Variants in USP12 observed in about 807,000 individuals in gnomAD.
The protein encoded by USP12 is ubiquitin specific peptidase 12.
In USP12, 19 loss-of-function variants were observed where a neutral mutation model predicts 45.5. That is an observed-to-expected ratio of 0.42 (90% CI 0.29 to 0.61). USP12 has a LOEUF of 0.61. Among genes scored for constraint, USP12 ranks in the 20% least tolerant of loss-of-function variants. The pLI is 0.22. For synonymous variants in USP12, 149 were observed against 148.8 expected (o/e 1.00, Z -0.01); for missense variants, 242 against 447.7 (o/e 0.54, Z 4.15).
chr13:27,120,621 TAAA>T (rs57930303), intron 1 of USP12, among the ~76,000 whole-genome samples: 42 of 145,308 alleles, frequency 2.9e-4, no homozygotes, highest in Non-Finnish European at 2.7e-4. Flanking sequence ...AAACTCCATC[TAAA>T]AAAAAAAAAA....
chr13:27,124,381 GAAC>G lies in USP12; in HGVS notation c.49-7788_49-7786del, dbSNP rs368329039. ...AGTATATACTATTTTATAAAGTAGA[GAAC>G]AATACACCTTACCAAGAAATTAAAA... On this transcript the variant is annotated intron_variant, in intron 1 of 8. Transcript: ENST00000282344. 2.1e-3 allele frequency among the ~76,000 whole-genome samples: 327 copies of G among 152,198 alleles called. 2 individuals are homozygous for G. Among genetic ancestry groups the G allele is most frequent in the African/African-American group, 7.4e-3 (309 of 41,516 alleles).
At chr13:27,074,959 T>C (rs1473322573) in intron 7 of USP12, among the ~76,000 whole-genome samples, 1 of 152,166 alleles carries the variant, frequency 6.6e-6, no homozygotes, top group Non-Finnish European at 1.5e-5. Flanking sequence ...GGAAATCAGA[T>C]ATAGTACTTG....
At chr13:27,168,905 A>G (rs995082535) in intron 1 of USP12, 1 of 152,220 alleles carries the variant, frequency 6.6e-6, no homozygotes, top group African/African-American at 2.4e-5. Flanking sequence ...CTTATAGAAT[A>G]AAATTTCAAC....
chr13:27,140,786 C>T (rs1056388428), intron 1 of USP12, among the ~76,000 whole-genome samples: 2 of 152,002 alleles, frequency 1.3e-5, no homozygotes, highest in Non-Finnish European at 2.9e-5. Context: ...GCAAAATATT[C>T]ATTTGCTCTA....
chr13:27,122,066 G>T (rs1273812595), intron 1 of USP12, among the ~76,000 whole-genome samples: 1 of 151,482 alleles, frequency 6.6e-6, no homozygotes, highest in Non-Finnish European at 1.5e-5. Context: ...ATGGTGGCTC[G>T]TGCCTGTAAT....
At chr13:27,100,739 G>T (rs2137781074) in intron 3 of USP12, among the ~76,000 whole-genome samples, 1 of 152,322 alleles carries the variant, frequency 6.6e-6, no homozygotes, top group East Asian at 1.9e-4. Context: ...TTATGCTAAA[G>T]TTGAGTTGAG....
chr13:27,144,862 C>T lies in USP12; in HGVS notation c.48+26730G>A, dbSNP rs141251912. Among the ~76,000 whole-genome samples the T allele has an allele frequency of 4.0e-3, 607 of 150,936 alleles. 4 individuals carry two copies. Among genetic ancestry groups the T allele is most frequent in the African/African-American group, 0.014 (579 of 41,058 alleles). On this transcript the variant is annotated intron_variant, in intron 1 of 8. Transcript: ENST00000282344. ...ATCCTTTAAGCCCAGGAGTTCGAGA[C>T]CAGCCCGGGTAATAGGGCCAAATCC...
intron 1 of USP12, among the ~76,000 whole-genome samples, chr13:27,161,339 T>A (rs1031954974): frequency 4.6e-5 from 7 of 152,224 alleles, no homozygotes; most frequent in African/African-American, 1.4e-4. Context: ...TCTCAAATTA[T>A]AAATGCATTT....
intron 1 of USP12, among the ~76,000 whole-genome samples, chr13:27,151,617 T>C: frequency 6.6e-6 from 1 of 151,924 alleles, no homozygotes; most frequent in Admixed American, 6.6e-5. Context: ...AACCCATCTC[T>C]ACAAAAAGTA....
intron 1 of USP12, among the ~76,000 whole-genome samples, chr13:27,122,819 C>T (rs902855189): frequency 3.5e-4 from 53 of 152,170 alleles, no homozygotes; most frequent in African/African-American, 1.1e-3. Context: ...CGTGGCCAGG[C>T]GCGGTGGCTC....
At chr13:27,075,476 G>C in intron 6 of USP12, 88 bp from the exon 7 acceptor site, 1 of 1,196,876 alleles carries the variant, frequency 8.4e-7, no homozygotes, top group Non-Finnish European at 1.2e-6. Context: ...CCAATGAACA[G>C]ATAGACAATG....
At chr13:27,151,468 T>A (rs1877564779) in intron 1 of USP12, among the ~76,000 whole-genome samples, 1 of 152,106 alleles carries the variant, frequency 6.6e-6, no homozygotes, top group South Asian at 2.1e-4. Flanking sequence ...AAGAAACTTG[T>A]ATCCAGAATA....
intron 1 of USP12, among the ~76,000 whole-genome samples, chr13:27,120,757 CA>C (rs1173088468): frequency 6.6e-6 from 1 of 151,902 alleles, no homozygotes; most frequent in Non-Finnish European, 1.5e-5. Context: ...GTAACTTAGG[CA>C]AAAGATTAGA....
At chr13:27,098,035 G>C (rs1874681016) in intron 3 of USP12, among the ~76,000 whole-genome samples, 1 of 149,026 alleles carries the variant, frequency 6.7e-6, no homozygotes, top group Non-Finnish European at 1.5e-5. Context: ...GCCCAGGATG[G>C]AGTGCAACTT....
intron 6 of USP12, among the ~76,000 whole-genome samples, chr13:27,083,549 T>C (rs769381615): frequency 3.9e-5 from 6 of 152,144 alleles, no homozygotes; most frequent in Non-Finnish European, 7.4e-5. Flanking sequence ...CTCACCTATA[T>C]GCTTTAACCT....
intron 2 of USP12, among the ~76,000 whole-genome samples, chr13:27,112,339 G>A (rs1274497983): frequency 6.7e-6 from 1 of 149,934 alleles, no homozygotes; most frequent in Non-Finnish European, 1.5e-5. Context: ...AGGCTGGGGT[G>A]CAGTGGTATG....
At chr13:27,132,029 T>C (rs1876527339) in intron 1 of USP12, among the ~76,000 whole-genome samples, 1 of 152,196 alleles carries the variant, frequency 6.6e-6, no homozygotes, top group Admixed American at 6.5e-5. Flanking sequence ...GTTCTACATC[T>C]AAATCTTTAG....
At chr13:27,089,769 G>T (rs951858641) in intron 6 of USP12, 114 bp downstream of exon 6, 1 of 950,670 alleles carries the variant, frequency 1.1e-6, no homozygotes, top group Non-Finnish European at 1.6e-6. Flanking sequence ...GTTAGTGATA[G>T]AATTAAGAAT....
intron 1 of USP12, among the ~76,000 whole-genome samples, chr13:27,153,053 C>T (rs1055866992): frequency 3.3e-5 from 5 of 152,048 alleles, no homozygotes; most frequent in South Asian, 2.1e-4. Context: ...GTGTCCTGGC[C>T]GGGCATGGTG....
Sources: allele counts gnomAD v4.1 joint callset (sites outside exome capture counted in the v4.1 genomes callset), GRCh38; gene constraint gnomAD v4.1.1; transcripts MANE v1.5; gene names NCBI Gene and HGNC (gene_info 2026-07-23, HGNC 2026-07-21).